KCP: variants seen among roughly 807,000 people sequenced by gnomAD.
The protein encoded by KCP is kielin cysteine rich BMP regulator, also known as kielin/chordin-like protein.
In KCP, 194 loss-of-function variants were observed where a neutral mutation model predicts 212.7. The observed-to-expected ratio is 0.91, with a 90% confidence interval of 0.81 to 1.03. The LOEUF (loss-of-function observed/expected upper bound fraction) is 1.03. KCP is among the 50% of genes least tolerant of loss of function. The pLI is 0.00. For missense variants in KCP, 2,080 were observed against 2,162.5 expected (o/e 0.96, Z 0.76); for synonymous variants, 833 against 865.3 (o/e 0.96, Z 0.65).
At chr7:128,887,988 CAG>C (rs904855211) in intron 22 of KCP, among the ~76,000 whole-genome samples, 2 of 148,306 alleles carry the variant, frequency 1.3e-5, no homozygotes, top group Non-Finnish European at 3.0e-5. Flanking sequence ...CACCCACACA[CAG>C]AGACCCCCCC....
intron 8 of KCP, among the ~76,000 whole-genome samples, chr7:128,899,861 C>A (rs1794740107): frequency 6.6e-6 from 1 of 152,112 alleles, no homozygotes; most frequent in African/African-American, 2.4e-5. Context: ...ATCATGATTC[C>A]TTAAGGAATC....
At position 128,883,985 on chromosome 7, in the gene KCP, C is replaced by G. The variant is rs1793488904; in HGVS notation, c.3244+17G>C. 6.5e-7 allele frequency: 1 copy of G among 1,545,652 alleles called. No homozygotes were observed. On this transcript the variant is annotated intron_variant, in intron 29 of 39. Coordinates refer to ENST00000610776, the MANE Select transcript of KCP (RefSeq NM_001366122.1). ...CCTAACCTCATATCTCATCTACCCC[C>G]ACATCCCTGGACTCACCGGCACAGG...
Position 128,879,736 on chromosome 7 carries a change from C to T in KCP, c.4026G>A (p.Leu1342=). 5 of 1,550,238 alleles carry T rather than the reference C, an allele frequency of 3.2e-6. No individual in the cohort carries two copies. The highest frequency in any genetic ancestry group is 4.4e-6 in the Non-Finnish European group (5 of 1,146,984). Residue 1342 remains leucine (L), a synonymous_variant, in exon 36 of 40, where the codon CTG becomes CTA. Transcript: ENST00000610776. ...VLLGDMAVRL[L]QDGAVTVDGH... ...TGCTCACCGTGACTGCCCCGTCCTG[C>T]AGCAGCCGCACGGCCATGTCTCCCA...
Position 128,886,870 on chromosome 7 carries a change from G to A in KCP, c.2689+6C>T. ...ATGGGGGCCGCGCATGAGGAAGGCA[G>A]CTCACTGTGGCAAACAGGGCAGAAG... On this transcript the variant is annotated splice_donor_region_variant and intron_variant, in intron 24 of 39. Transcript: ENST00000610776. 1 of 1,510,256 alleles carries A rather than the reference G, an allele frequency of 6.6e-7. No homozygotes were observed. 93.6% of individuals were successfully genotyped at this position (1,510,256 alleles called of 1,614,324 possible).
At chr7:128,879,200 A>T (rs994148468) in intron 37 of KCP, 34 of 405,692 alleles carry the variant, frequency 8.4e-5, no homozygotes, top group Non-Finnish European at 1.5e-4. Context: ...CCCCCAGGAG[A>T]CTTCAGCTGA....
chr7:128,903,785 C>T lies in KCP; in HGVS notation c.690G>A (p.Pro230=), dbSNP rs751630685. ...GCACTGGCTCTGGGCAGGGGCTAGG[C>T]GGGCACTTCAGGGCCATGCAGCGAA... ...SRVRCMALKC[P]PSPCPEPVLR... Residue 230 remains proline (P), a synonymous_variant, in exon 7 of 40, where the codon CCG becomes CCA. Coordinates refer to ENST00000610776, the MANE Select transcript of KCP (RefSeq NM_001366122.1). The T allele has an allele frequency of 3.0e-5, 42 of 1,420,402 alleles. No individual in the cohort carries two copies. The highest frequency in any genetic ancestry group is 2.1e-4 in the South Asian group (17 of 82,164). 88.0% of individuals were successfully genotyped at this position (1,420,402 alleles called of 1,614,324 possible). A position where few individuals can be genotyped will look rare whatever the true frequency, so the allele number is the denominator to read the frequency against.
Position 128,884,087 on chromosome 7 carries a change from G to C in KCP, c.3159C>G (p.His1053Gln), listed in dbSNP as rs1489058801. 6.5e-7 allele frequency: 1 copy of C among 1,545,192 alleles called. No individual in the cohort carries two copies. Among genetic ancestry groups the C allele is most frequent in the East Asian group, 2.5e-5 (1 of 40,686 alleles). ...QPEGPPSLRCHRRQCPSLVGC... is the reference protein window; with the variant it reads ...QPEGPPSLRCQRRQCPSLVGC... ...CCACCAGGCTGGGACACTGCCGCCG[G>C]TGACAGCGAAGGCTGGGAGGCCCCT... Residue 1053 changes from histidine to glutamine, a missense_variant, in exon 29 of 40, where the codon CAC (histidine) becomes CAG (glutamine). By Grantham distance (24) the His-to-Gln change is conservative. Transcript: ENST00000610776.
chr7:128,904,400 C>G (rs906541869), intron 5 of KCP: 1 of 1,519,252 alleles, frequency 6.6e-7, no homozygotes, highest in African/African-American at 1.4e-5. Context: ...AGACACTGAG[C>G]CAGCCCTCCC....
rs1190878931 is a variant in KCP, at chr7:128,884,803, G to C, written c.3101C>G (p.Pro1034Arg). 1.3e-6 allele frequency: 2 copies of C among 1,550,948 alleles called. No individual in the cohort carries two copies. Among genetic ancestry groups the C allele is most frequent in the African/African-American group, 1.4e-5 (1 of 73,034 alleles). ...TACCTCGCAGATGCACACTTCACAG[G>C]GGTCTGCCCCAGGCTGGAAGCTCTC... ...PGESFQPGAD[P>R]CEVCICEPQP... Residue 1034 changes from proline (P) to arginine (R), a missense_variant, in exon 28 of 40, where the codon CCC becomes CGC. Coordinates refer to ENST00000610776, the MANE Select transcript of KCP (RefSeq NM_001366122.1).
At position 128,883,992 on chromosome 7, in the gene KCP, C is replaced by G. The variant is rs564405215; in HGVS notation, c.3244+10G>C. 26 of 1,548,050 alleles carry G rather than the reference C, an allele frequency of 1.7e-5. No homozygotes were observed. The highest frequency in any genetic ancestry group is 2.2e-5 in the Non-Finnish European group (25 of 1,146,130). ...TCATATCTCATCTACCCCCACATCCCTGGACTCACCGGCACAGGTGGGACA... is the reference window on the plus strand; with the variant it reads ...TCATATCTCATCTACCCCCACATCCGTGGACTCACCGGCACAGGTGGGACA... On this transcript the variant is annotated intron_variant, in intron 29 of 39. Transcript: ENST00000610776.
rs781230767 is a variant in KCP, at chr7:128,888,345, CACAT to C, written c.2512+514_2512+517del. On this transcript the variant is annotated intron_variant, in intron 22 of 39. Coordinates refer to ENST00000610776, the MANE Select transcript of KCP (RefSeq NM_001366122.1). ...ACAGAGCAACACACACACACACACA[CACAT>C]ACACAGATACACCCAAACACACAGG... Among the ~76,000 whole-genome samples, 648 of 91,098 alleles carry C rather than the reference CACAT, an allele frequency of 7.1e-3. 12 individuals are homozygous for C. Among genetic ancestry groups the C allele is most frequent in the South Asian group, 0.061 (171 of 2,804 alleles). The allele number at this position is 91,098 out of a possible 152,430, so 59.8% of individuals were successfully genotyped here. A position where few individuals can be genotyped will look rare whatever the true frequency, so the allele number is the denominator to read the frequency against.
chr7:128,879,093 T>C (rs1585191269), intron 37 of KCP: 1 of 360,154 alleles, frequency 2.8e-6, no homozygotes, highest in East Asian at 5.2e-5. Flanking sequence ...ATTAGAAGTG[T>C]ACACCCTTAT....
At chr7:128,909,452 A>T (rs1194907408) in intron 1 of KCP, among the ~76,000 whole-genome samples, 1 of 152,156 alleles carries the variant, frequency 6.6e-6, no homozygotes, top group South Asian at 2.1e-4. Flanking sequence ...GGCAGAGGGG[A>T]TTCTAGGCTA....
intron 22 of KCP, among the ~76,000 whole-genome samples, chr7:128,887,860 TACAC>T (rs1793776254): frequency 1.9e-5 from 2 of 108,056 alleles, no homozygotes; most frequent in South Asian, 6.6e-4. Context: ...CATACCCACC[TACAC>T]ACAGCCACAC....
chr7:128,903,952 T>C, intron 6 of KCP, 104 bp downstream of exon 6: 1 of 1,362,594 alleles, frequency 7.3e-7, no homozygotes, highest in East Asian at 2.5e-5. Flanking sequence ...GCTCCACCTC[T>C]CGGGAGGCAT....
intron 37 of KCP, chr7:128,879,266 T>G: frequency 2.0e-6 from 1 of 509,872 alleles, no homozygotes; most frequent in African/African-American, 1.9e-5. Flanking sequence ...ACGAGAAATC[T>G]GTGGCCCAGA....
rs1408370443 is a variant in KCP, at chr7:128,880,688, G to A, written c.3547C>T (p.Gln1183Ter). ...CAGCCATGGGGGCAGGAGAGGGCCT[G>A]GCACTCCTCGAGGTGGCACTCCACA... is the stretch of plus-strand genomic sequence containing the variant. ...GHVECHLEEC[Q>*]ALSCPHGWAK... The change falls in exon 33 of 40, where the codon CAG becomes TAG. Residue 1183 changes from glutamine to a stop codon, truncating the protein, a stop_gained. Transcript: ENST00000610776. LOFTEE classifies it high-confidence loss of function. 5.9e-6 allele frequency: 3 copies of A among 508,414 alleles called. No individual in the cohort carries two copies. Among genetic ancestry groups the A allele is most frequent in the Non-Finnish European group, 3.3e-6 (1 of 306,564 alleles). 31.5% of individuals were successfully genotyped at this position (508,414 alleles called of 1,614,324 possible).
chr7:128,886,853 C>T (rs369680134), intron 24 of KCP, 23 bp downstream of exon 24: 50 of 1,461,916 alleles, frequency 3.4e-5, no homozygotes, highest in Middle Eastern at 3.5e-4. Context: ...GCATGGGGGC[C>T]GCGCATGAGG....
rs1246341506 is a variant in KCP at position 128,890,983 on chromosome 7, C to G, written c.2086G>C (p.Val696Leu). 2 of 1,311,204 alleles carry G rather than the reference C, an allele frequency of 1.5e-6. No homozygotes were observed. Among genetic ancestry groups the G allele is most frequent in the East Asian group, 3.2e-5 (1 of 31,632 alleles). The allele number at this position is 1,311,204 out of a possible 1,614,324, so 81.2% of individuals were successfully genotyped here. A position where few individuals can be genotyped will look rare whatever the true frequency, so the allele number is the denominator to read the frequency against. ...GGGCAGGGCAGCCGCTGGCAGGACA[C>G]GGAGCCGTCGAGGCAGAGGCAGCGG... ...CRRCLCLDGS[V>L]SCQRLPCPPA... Residue 696 changes from valine to leucine, a missense_variant, in exon 20 of 40, where the codon GTG (valine) becomes CTG (leucine). Coordinates refer to ENST00000610776, the MANE Select transcript of KCP (RefSeq NM_001366122.1).
Sources: allele counts gnomAD v4.1 joint callset (sites outside exome capture counted in the v4.1 genomes callset), GRCh38; gene constraint gnomAD v4.1.1; transcripts MANE v1.5; gene names NCBI Gene and HGNC (gene_info 2026-07-23, HGNC 2026-07-21).